Variants in BRINP2 observed in about 807,000 individuals in gnomAD.
BRINP2 encodes the protein BMP/retinoic acid inducible neural specific 2.
BRINP2 carries 21 observed loss-of-function variants against 69.2 expected under a neutral mutation model. The observed-to-expected ratio is 0.30, with a 90% CI of 0.22 to 0.44. BRINP2 has a LOEUF of 0.44. BRINP2 is among the 20% of genes least tolerant of loss of function. The pLI is 1.00. For missense variants in BRINP2, 877 were observed against 986.0 expected (o/e 0.89, Z 1.48); for synonymous variants, 380 against 394.1 (o/e 0.96, Z 0.42).
chr1:177,205,974 G>A (rs1031907508), intron 1 of BRINP2, among the ~76,000 whole-genome samples: 1 of 152,176 alleles, frequency 6.6e-6, no homozygotes, highest in Non-Finnish European at 1.5e-5. Flanking sequence ...GATTTTCAAG[G>A]CTAGGTCATG....
At chr1:177,225,001 C>A (rs1649655585) in intron 1 of BRINP2, among the ~76,000 whole-genome samples, 1 of 152,212 alleles carries the variant, frequency 6.6e-6, no homozygotes, top group East Asian at 1.9e-4. Context: ...ATCTGGTACA[C>A]CAGCAGCTAA....
At chr1:177,228,006 T>G (rs1012296139) in intron 1 of BRINP2, among the ~76,000 whole-genome samples, 4 of 152,216 alleles carry the variant, frequency 2.6e-5, no homozygotes, top group African/African-American at 7.2e-5. Flanking sequence ...CTCTAGTTCC[T>G]TAGGCTGTAC....
At chr1:177,183,706 T>C (rs1388189036) in intron 1 of BRINP2, among the ~76,000 whole-genome samples, 4 of 152,198 alleles carry the variant, frequency 2.6e-5, no homozygotes, top group African/African-American at 7.2e-5. Flanking sequence ...ATAAAAGGTG[T>C]GGATGGTGCA....
At chr1:177,183,684 G>T (rs1463400774) in intron 1 of BRINP2, among the ~76,000 whole-genome samples, 1 of 152,188 alleles carries the variant, frequency 6.6e-6, no homozygotes, top group Non-Finnish European at 1.5e-5. Context: ...AGTTTATGAA[G>T]ATATTTTCTG....
chr1:177,264,999 C>A (rs1032082998), intron 4 of BRINP2, among the ~76,000 whole-genome samples: 3 of 152,158 alleles, frequency 2.0e-5, no homozygotes, highest in Non-Finnish European at 2.9e-5. Flanking sequence ...GTAGCCAAGA[C>A]AATCCTAAGT....
At chr1:177,197,774 T>C (rs1301663034) in intron 1 of BRINP2, among the ~76,000 whole-genome samples, 2 of 152,178 alleles carry the variant, frequency 1.3e-5, no homozygotes, top group Non-Finnish European at 2.9e-5. Flanking sequence ...GGAATTTACC[T>C]GAAGCCTTGA....
At chr1:177,216,530 T>A (rs1571903900) in intron 1 of BRINP2, among the ~76,000 whole-genome samples, 1 of 152,154 alleles carries the variant, frequency 6.6e-6, no homozygotes, top group Admixed American at 6.5e-5. Context: ...CTTTGCATAC[T>A]ACTATCACAG....
chr1:177,253,533 C>CA (rs943497187), intron 2 of BRINP2, among the ~76,000 whole-genome samples: 1 of 151,998 alleles, frequency 6.6e-6, no homozygotes, highest in African/African-American at 2.4e-5. Context: ...AGGAGCTTTT[C>CA]AGTTTGATGT....
At position 177,281,516 on chromosome 1, in the gene BRINP2, A is replaced by G; in HGVS notation, c.2340A>G (p.Lys780=). 1 of 1,603,388 alleles carries G rather than the reference A, an allele frequency of 6.2e-7. No individual in the cohort carries two copies. Among genetic ancestry groups the G allele is most frequent in the African/African-American group, 1.3e-5 (1 of 74,930 alleles). Residue 780 remains lysine, a synonymous_variant, in exon 8 of 8, where the codon AAA becomes AAG. Coordinates refer to ENST00000361539, the MANE Select transcript of BRINP2 (RefSeq NM_021165.4). ...LPNPVEYETG[K]LCS The stretch of plus-strand genomic sequence containing the variant: ...ACCCTGTGGAATATGAGACCGGCAA[A>G]CTCTGTAGCTAATGGGCGGCCCACT...
chr1:177,252,121 C>A (rs1248683166), intron 2 of BRINP2, among the ~76,000 whole-genome samples: 1 of 152,142 alleles, frequency 6.6e-6, no homozygotes, highest in Non-Finnish European at 1.5e-5. Flanking sequence ...CTGTTCTTTA[C>A]CCTGCAGTGG....
chr1:177,254,051 G>A (rs761280217), intron 2 of BRINP2, among the ~76,000 whole-genome samples: 40 of 152,148 alleles, frequency 2.6e-4, no homozygotes, highest in Non-Finnish European at 5.0e-4. Context: ...TTTATTAATG[G>A]ATATGATTCT....
intron 5 of BRINP2, among the ~76,000 whole-genome samples, chr1:177,275,346 A>G (rs1651458060): frequency 6.6e-6 from 1 of 152,312 alleles, no homozygotes; most frequent in Non-Finnish European, 1.5e-5. Flanking sequence ...GCTGAGAGCC[A>G]TTCATATCTA....
intron 1 of BRINP2, among the ~76,000 whole-genome samples, chr1:177,216,088 T>G (rs1388201783): frequency 6.6e-6 from 1 of 152,086 alleles, no homozygotes. Flanking sequence ...GTCTTTTGAT[T>G]GGAGAATTTA....
Position 177,280,916 on chromosome 1 carries a change from C to T in BRINP2, c.1740C>T (p.Ser580=). 2 of 1,614,210 alleles carry T rather than the reference C, an allele frequency of 1.2e-6. No individual in the cohort carries two copies. The highest frequency in any genetic ancestry group is 4.5e-5 in the East Asian group (2 of 44,874). ...TGCAGATCTGTCTCACCAAGAACAG[C>T]ACCCTGGAGCCTGTCATGGCCATCT... ...LSLQICLTKN[S]TLEPVMAIYV... Residue 580 remains serine, a synonymous_variant, in exon 8 of 8, where the codon AGC becomes AGT. Transcript: ENST00000361539.
chr1:177,191,331 TA>T, intron 1 of BRINP2, among the ~76,000 whole-genome samples: 1 of 152,266 alleles, frequency 6.6e-6, no homozygotes, highest in East Asian at 1.9e-4. Context: ...CATCTCAAGC[TA>T]AACTGAATAA....
intron 4 of BRINP2, among the ~76,000 whole-genome samples, chr1:177,262,330 G>C (rs1650980437): frequency 6.6e-6 from 1 of 151,952 alleles, no homozygotes; most frequent in Admixed American, 6.6e-5. Context: ...TTGCCAACAT[G>C]GTGAAACCCC....
rs115726482 is a variant in BRINP2, at chr1:177,270,718, C to T, written c.670-2770C>T. Among the ~76,000 whole-genome samples, 617 of 152,250 alleles carry T rather than the reference C, an allele frequency of 4.1e-3. 5 individuals carry two copies. The highest frequency in any genetic ancestry group is 6.9e-3 in the Non-Finnish European group (472 of 68,026). On this transcript the variant is annotated intron_variant, in intron 4 of 7. Coordinates refer to ENST00000361539, the MANE Select transcript of BRINP2 (RefSeq NM_021165.4). ...GAAAAGCCAGTGAAAAACCCAATGA[C>T]GACGGAGTGGGCAGCTTACCTGTAG...
intron 4 of BRINP2, among the ~76,000 whole-genome samples, chr1:177,269,461 G>A (rs920389325): frequency 1.2e-4 from 18 of 152,178 alleles, no homozygotes; most frequent in Admixed American, 6.5e-5. Flanking sequence ...GGTGGGGAGG[G>A]CTTGACATGC....
At chr1:177,259,396 C>G (rs1650872070) in intron 4 of BRINP2, among the ~76,000 whole-genome samples, 2 of 152,094 alleles carry the variant, frequency 1.3e-5, no homozygotes, top group South Asian at 2.1e-4. Context: ...TATACAAGCA[C>G]AAGATGAAGC....
Sources: allele counts gnomAD v4.1 joint callset (sites outside exome capture counted in the v4.1 genomes callset), GRCh38; gene constraint gnomAD v4.1.1; transcripts MANE v1.5; gene names NCBI Gene and HGNC (gene_info 2026-07-23, HGNC 2026-07-21).